The following KLF12 variants were observed in gnomAD, a reference collection of about 807,000 sequenced individuals.
KLF12 encodes Krueppel-like factor 12.
Under a neutral mutation model 37.8 loss-of-function variants are expected in KLF12, and 9 were observed. The observed-to-expected ratio is 0.24, with a 90% confidence interval of 0.14 to 0.42. The LOEUF is 0.42. Ranked by LOEUF, KLF12 falls within the 10% of genes least tolerant of loss-of-function variation. KLF12 has a pLI of 1.00. For synonymous variants in KLF12, 208 were observed against 202.1 expected (o/e 1.03, Z -0.25); for missense variants, 411 against 516.0 (o/e 0.80, Z 1.97).
chr13:74,020,890 C>CA (rs377702369), intron 1 of KLF12, among the ~76,000 whole-genome samples: 31,870 of 117,842 alleles, frequency 0.27, 3,723 homozygotes, highest in Admixed American at 0.32. Context: ...CACTCCGTCT[C>CA]AAAAAAAAAA....
intron 2 of KLF12, among the ~76,000 whole-genome samples, chr13:73,966,293 A>C (rs1224188234): frequency 6.6e-6 from 1 of 151,962 alleles, no homozygotes; most frequent in Non-Finnish European, 1.5e-5. Context: ...AGAGCAGTTA[A>C]AATTATGGTA....
chr13:74,060,425 G>A (rs904780776), intron 1 of KLF12, among the ~76,000 whole-genome samples: 1 of 150,230 alleles, frequency 6.7e-6, no homozygotes, highest in South Asian at 2.1e-4. Flanking sequence ...TTAGTGTTTT[G>A]TAGAACTTCT....
At chr13:73,903,257 T>G (rs926070358) in intron 3 of KLF12, among the ~76,000 whole-genome samples, 4 of 152,172 alleles carry the variant, frequency 2.6e-5, no homozygotes, top group Non-Finnish European at 5.9e-5. Context: ...GAACATGCTG[T>G]GATAGTGATG....
At chr13:73,881,224 ATTTTT>A (rs1205373764) in intron 3 of KLF12, among the ~76,000 whole-genome samples, 1 of 152,114 alleles carries the variant, frequency 6.6e-6, no homozygotes, top group Non-Finnish European at 1.5e-5. Flanking sequence ...TTATTTCTGT[ATTTTT>A]GCATTCTGCT....
At chr13:74,115,352 C>A (rs1877232309) in intron 1 of KLF12, among the ~76,000 whole-genome samples, 2 of 152,118 alleles carry the variant, frequency 1.3e-5, no homozygotes, top group South Asian at 4.1e-4. Flanking sequence ...AGAAATTATT[C>A]TCTCACAGTT....
chr13:73,986,674 A>C (rs1369248594), intron 2 of KLF12, among the ~76,000 whole-genome samples: 4 of 152,220 alleles, frequency 2.6e-5, no homozygotes, highest in African/African-American at 9.6e-5. Flanking sequence ...ATTATCTAGG[A>C]TAGGCCAAAG....
chr13:74,242,370 G>A, the KLF12 span, among the ~76,000 whole-genome samples: 1 of 152,230 alleles, frequency 6.6e-6, no homozygotes, highest in East Asian at 1.9e-4. Context: ...GAAGGCAAAA[G>A]CCATGTCTTA....
chr13:73,734,825 C>T (rs187579135), intron 6 of KLF12, among the ~76,000 whole-genome samples: 19 of 152,148 alleles, frequency 1.2e-4, no homozygotes, highest in African/African-American at 4.1e-4. Flanking sequence ...CTAAGGCTCA[C>T]GAAAGGTACA....
intron 3 of KLF12, among the ~76,000 whole-genome samples, chr13:73,856,982 T>C (rs1317929491): frequency 1.3e-5 from 2 of 152,132 alleles, no homozygotes; most frequent in Admixed American, 6.5e-5. Context: ...AGTGAAACCC[T>C]GTCTCAAAAA....
intron 1 of KLF12, among the ~76,000 whole-genome samples, chr13:74,013,490 A>C (rs1892601616): frequency 6.6e-6 from 1 of 152,208 alleles, no homozygotes; most frequent in Non-Finnish European, 1.5e-5. Flanking sequence ...AAAATTTGCT[A>C]ATTTTAAAAT....
the KLF12 span, among the ~76,000 whole-genome samples, chr13:74,250,450 A>C: frequency 1.3e-5 from 2 of 152,170 alleles, no homozygotes; most frequent in Non-Finnish European, 2.9e-5. Context: ...AACCCTGGAG[A>C]ACTTAGGAGG....
intron 5 of KLF12, among the ~76,000 whole-genome samples, chr13:73,798,981 A>G (rs1397011231): frequency 6.6e-6 from 1 of 152,208 alleles, no homozygotes; most frequent in African/African-American, 2.4e-5. Context: ...CTGTAGCACT[A>G]TTCACAATAG....
intron 2 of KLF12, among the ~76,000 whole-genome samples, chr13:73,965,769 T>G (rs1277918978): frequency 6.6e-6 from 1 of 152,192 alleles, no homozygotes; most frequent in Non-Finnish European, 1.5e-5. Context: ...AGGCATAAGA[T>G]GACTGGAACC....
intron 3 of KLF12, among the ~76,000 whole-genome samples, chr13:73,900,749 T>G (rs547569982): frequency 6.6e-6 from 1 of 152,186 alleles, no homozygotes; most frequent in Non-Finnish European, 1.5e-5. Flanking sequence ...AATGTCTACA[T>G]GTTTTTCCTT....
At chr13:74,240,874 T>C in the KLF12 span, among the ~76,000 whole-genome samples, 4 of 147,808 alleles carry the variant, frequency 2.7e-5, no homozygotes, top group East Asian at 8.0e-4. Flanking sequence ...TTCAACTTCT[T>C]TGCCTTTGGT....
chr13:74,116,890 G>C lies in KLF12; in HGVS notation c.-32+16849C>G, dbSNP rs1299987809. Among the ~76,000 whole-genome samples, 3 of 151,778 alleles carry C rather than the reference G, an allele frequency of 2.0e-5. No homozygotes were observed. The East Asian group carries it at 5.8e-4, about 29-fold the overall frequency. On this transcript the variant is annotated intron_variant, in intron 1 of 7. Coordinates refer to ENST00000377669, the MANE Select transcript of KLF12 (RefSeq NM_007249.5). The stretch of plus-strand genomic sequence containing the variant: ...CATCCCTAATATCCCACCATACCAG[G>C]GAACCAAGATAATGAAAAGTTAGCC...
At chr13:74,045,201 T>C (rs1225798806) in intron 1 of KLF12, among the ~76,000 whole-genome samples, 1 of 152,174 alleles carries the variant, frequency 6.6e-6, no homozygotes, top group East Asian at 1.9e-4. Flanking sequence ...TGGAGAAAGC[T>C]GACAACCCCT....
chr13:74,273,279 T>C, the KLF12 span, among the ~76,000 whole-genome samples: 1 of 152,206 alleles, frequency 6.6e-6, no homozygotes, highest in Non-Finnish European at 1.5e-5. Flanking sequence ...TGTGATTCTT[T>C]AAGCTGTAAA....
intron 5 of KLF12, among the ~76,000 whole-genome samples, chr13:73,790,155 T>G (rs1881601136): frequency 6.6e-6 from 1 of 152,204 alleles, no homozygotes; most frequent in South Asian, 2.1e-4. Flanking sequence ...AGTACTTAGC[T>G]TTCAAATTTC....
Sources: gnomAD v4.1 joint callset for allele counts (sites outside exome capture counted in the v4.1 genomes callset) on GRCh38, gnomAD v4.1.1 for gene constraint, MANE v1.5 for transcripts, NCBI Gene and HGNC (gene_info 2026-07-23, HGNC 2026-07-21) for gene names.